PIP5K1A: variants seen among roughly 807,000 people sequenced by gnomAD.
PIP5K1A encodes phosphatidylinositol 4-phosphate 5-kinase type-1 alpha.
In PIP5K1A, 46 loss-of-function variants were observed where a neutral mutation model predicts 72.9. That is an observed-to-expected ratio of 0.63 (90% CI 0.50 to 0.81). PIP5K1A has a LOEUF of 0.81. Ranked by LOEUF, PIP5K1A falls within the 30% of genes least tolerant of loss-of-function variation. PIP5K1A has a pLI of 0.00. For synonymous variants in PIP5K1A, 228 were observed against 255.1 expected, an observed-to-expected ratio of 0.89 and a Z score of 1.01; for missense variants, 458 against 706.1, an observed-to-expected ratio of 0.65 and a Z score of 3.98.
At chr1:151,207,192 A>G (rs1686062326) in intron 1 of PIP5K1A, among the ~76,000 whole-genome samples, 1 of 152,178 alleles carries the variant, frequency 6.6e-6, no homozygotes, top group Admixed American at 6.5e-5. Flanking sequence ...ATTTTAATCC[A>G]GCAGAATTCA....
At chr1:151,198,304 C>T (rs1684727635), upstream of PIP5K1A, among the ~76,000 whole-genome samples, 1 of 151,928 alleles carries the variant, frequency 6.6e-6, no homozygotes, top group South Asian at 2.1e-4. Flanking sequence ...CTTGGCGGAC[C>T]GACTCTTGTC....
At position 151,198,845 on chromosome 1, in the gene PIP5K1A, C is replaced by T. The variant is rs190588004; in HGVS notation, c.-152C>T. On this transcript the variant is annotated 5_prime_UTR_variant, in exon 1 of 16. Transcript: ENST00000368888. ...GGCCTTGAGCTGGTCCAGGAGCCGG[C>T]TCGACGTGTCTGAGGGAGGCCCCGG... The T allele has an allele frequency of 4.4e-5, 32 of 732,290 alleles. No individual in the cohort carries two copies. Among genetic ancestry groups the T allele is most frequent in the Non-Finnish European group, 7.3e-5 (31 of 422,572 alleles). 45.4% of individuals were successfully genotyped at this position (732,290 alleles called of 1,614,324 possible).
chr1:151,220,890 A>G (rs776428983), intron 1 of PIP5K1A, among the ~76,000 whole-genome samples: 1 of 152,222 alleles, frequency 6.6e-6, no homozygotes, highest in Non-Finnish European at 1.5e-5. Context: ...ACTCCTAAAT[A>G]CTTAAGAACG....
At chr1:151,232,210 G>A (rs761319919) in intron 5 of PIP5K1A, 38 bp from the exon 6 acceptor site, 1 of 1,336,484 alleles carries the variant, frequency 7.5e-7, no homozygotes. Flanking sequence ...GGATGATAGG[G>A]ACTGGCAAGT....
At chr1:151,199,290 C>G in intron 1 of PIP5K1A, 1 of 998,794 alleles carries the variant, frequency 1.0e-6, no homozygotes, top group South Asian at 1.7e-5. Flanking sequence ...CTTTGGTTGT[C>G]TTTGAGGAGG....
At chr1:151,244,462 T>C (rs1692204327) in intron 14 of PIP5K1A, among the ~76,000 whole-genome samples, 1 of 152,178 alleles carries the variant, frequency 6.6e-6, no homozygotes, top group South Asian at 2.1e-4. Flanking sequence ...AAGATCAGCC[T>C]GAGCAACATG....
At chr1:151,244,571 G>A (rs1202165828) in intron 14 of PIP5K1A, among the ~76,000 whole-genome samples, 13 of 152,166 alleles carry the variant, frequency 8.5e-5, no homozygotes, top group South Asian at 2.1e-4. Flanking sequence ...CAGGAGGATC[G>A]CTCGAACCCC....
chr1:151,218,148 G>A lies in PIP5K1A; in HGVS notation c.86-6097G>A, dbSNP rs909557180. The stretch of plus-strand genomic sequence containing the variant: ...TTTCTATGCTAGTGAGGACCTTAAC[G>A]TCTGTAAAACTGTGAAACTGCGCTT... On this transcript the variant is annotated intron_variant, in intron 1 of 15. Transcript: ENST00000368888. Among the ~76,000 whole-genome samples the A allele has an allele frequency of 9.2e-5, 14 of 152,266 alleles. 1 individual carries two copies. Among genetic ancestry groups the A allele is most frequent in the Admixed American group, 3.9e-4 (6 of 15,284 alleles).
chr1:151,224,547 ATATTCT>A (rs1307199263), intron 3 of PIP5K1A, 141 bp downstream of exon 3: 58 of 684,380 alleles, frequency 8.5e-5, no homozygotes, highest in Admixed American at 3.9e-4. Flanking sequence ...GCCCTTTAAG[ATATTCT>A]TATTTAATCC....
intron 1 of PIP5K1A, among the ~76,000 whole-genome samples, chr1:151,204,377 A>G (rs1004580184): frequency 2.0e-5 from 3 of 151,930 alleles, no homozygotes; most frequent in Non-Finnish European, 4.4e-5. Flanking sequence ...GGGTTTCGCC[A>G]TGTTGGCCAG....
chr1:151,241,541 G>T (rs587631707), intron 12 of PIP5K1A, among the ~76,000 whole-genome samples: 1 of 151,464 alleles, frequency 6.6e-6, no homozygotes, highest in South Asian at 2.1e-4. Context: ...TGGCTCATAC[G>T]TATAATCCCA....
rs587735946 is a variant in PIP5K1A, at chr1:151,233,200, A to C, written c.639+497A>C. On this transcript the variant is annotated intron_variant, in intron 7 of 15. Coordinates refer to ENST00000368888, the MANE Select transcript of PIP5K1A (RefSeq NM_001135638.2). ...GGTTTTGTTTATCTGTTCTGTTTTA[A>C]GTGTTGTTGATCTCCCAGGCTCAAG... 9 of 153,312 alleles carry C rather than the reference A, an allele frequency of 5.9e-5. No individual in the cohort carries two copies. In the East Asian group the frequency reaches 1.5e-3, roughly 26 times the overall value. 9.5% of individuals were successfully genotyped at this position (153,312 alleles called of 1,614,324 possible).
chr1:151,205,279 G>A (rs1332939707), intron 1 of PIP5K1A, among the ~76,000 whole-genome samples: 2 of 152,110 alleles, frequency 1.3e-5, no homozygotes, highest in Non-Finnish European at 2.9e-5. Flanking sequence ...AGGTTCAAGC[G>A]ATTCTCCTGC....
At chr1:151,195,593 T>C (rs1047560487), upstream of PIP5K1A, among the ~76,000 whole-genome samples, 1 of 151,622 alleles carries the variant, frequency 6.6e-6, no homozygotes, top group Non-Finnish European at 1.5e-5. Flanking sequence ...AAATTAAAAA[T>C]ATAAAAAATT....
At chr1:151,242,400 G>C in intron 13 of PIP5K1A, 38 bp from the exon 14 acceptor site, 2 of 1,612,024 alleles carry the variant, frequency 1.2e-6, no homozygotes, top group Non-Finnish European at 1.7e-6. Context: ...ATTTTTCCTT[G>C]TATTTACTGT....
upstream of PIP5K1A, among the ~76,000 whole-genome samples, chr1:151,197,429 G>A (rs1684661376): frequency 6.6e-6 from 1 of 152,000 alleles, no homozygotes; most frequent in Admixed American, 6.6e-5. Flanking sequence ...ACAGGCGCCC[G>A]CCACCACGCC....
chr1:151,208,295 G>GA (rs1245685462), intron 1 of PIP5K1A, among the ~76,000 whole-genome samples: 1 of 151,848 alleles, frequency 6.6e-6, no homozygotes, highest in Non-Finnish European at 1.5e-5. Context: ...AGAGCGTTAG[G>GA]AAAAATTTAC....
At chr1:151,212,325 G>A (rs1686939580) in intron 1 of PIP5K1A, among the ~76,000 whole-genome samples, 1 of 152,038 alleles carries the variant, frequency 6.6e-6, no homozygotes, top group African/African-American at 2.4e-5. Flanking sequence ...TTATACTGAT[G>A]GATTTTCACT....
At chr1:151,231,075 T>A (rs1689974569) in intron 4 of PIP5K1A, among the ~76,000 whole-genome samples, 1 of 152,004 alleles carries the variant, frequency 6.6e-6, no homozygotes, top group South Asian at 2.1e-4. Flanking sequence ...GGTGTCGTGG[T>A]GCATGCCTGT....
Sources: gnomAD v4.1 joint callset for allele counts (sites outside exome capture counted in the v4.1 genomes callset) on GRCh38, gnomAD v4.1.1 for gene constraint, MANE v1.5 for transcripts, NCBI Gene and HGNC (gene_info 2026-07-23, HGNC 2026-07-21) for gene names.